The following ZFP62 variants were observed in gnomAD, a reference collection of about 807,000 sequenced individuals.
ZFP62 encodes ZFP62 zinc finger protein.
ZFP62 carries 44 observed loss-of-function variants against 56.4 expected under a neutral mutation model. That is an observed-to-expected ratio of 0.78 (90% confidence interval 0.61 to 1.00). The LOEUF (loss-of-function observed/expected upper bound fraction) is 1.00. ZFP62 is among the 50% of genes least tolerant of loss of function. The probability of loss-of-function intolerance (pLI) is 0.00; values close to 1 mark genes in which losing one functional copy is unlikely to be tolerated. For missense variants in ZFP62, 1,030 were observed against 1,085.7 expected (o/e 0.95, Z 0.72); for synonymous variants, 421 against 388.9 (o/e 1.08, Z -0.97).
Position 180,848,692 on chromosome 5 carries a change from A to G in ZFP62, c.*100T>C, listed in dbSNP as rs1008351962. The stretch of plus-strand genomic sequence containing the variant: ...CCTCATAATCCTCTAGGATGGTTTC[A>G]TTTACACTGTGTAAATTACAAGCCA... On this transcript the variant is annotated 3_prime_UTR_variant, in exon 2 of 2. Coordinates refer to ENST00000502412, the MANE Select transcript of ZFP62 (RefSeq NM_001172638.2). 6.9e-7 allele frequency: 1 copy of G among 1,440,000 alleles called. No individual in the cohort carries two copies. Among genetic ancestry groups the G allele is most frequent in the South Asian group, 1.6e-5 (1 of 64,316 alleles). 89.2% of individuals were successfully genotyped at this position (1,440,000 alleles called of 1,614,324 possible).
chr5:180,828,224 A>C, the ZFP62 span, among the ~76,000 whole-genome samples: 1 of 152,168 alleles, frequency 6.6e-6, no homozygotes, highest in Non-Finnish European at 1.5e-5. Flanking sequence ...GGGGCAACCC[A>C]CCCCTTCAAC....
At position 180,850,242 on chromosome 5, in the gene ZFP62, T is replaced by G. The variant is rs1442935423; in HGVS notation, c.1253A>C (p.Lys418Thr). ...LAVHKSIHPG[K>T]KAHECKECGK... The stretch of plus-strand genomic sequence containing the variant: ...ACACTCCTTACATTCATGGGCTTTC[T>G]TCCCAGGGTGAATGCTTTTATGGAC... Residue 418 changes from lysine to threonine, a missense_variant, in exon 2 of 2, where the codon AAG becomes ACG. By Grantham distance (78) the Lys-to-Thr change is moderately conservative. Coordinates refer to ENST00000502412, the MANE Select transcript of ZFP62 (RefSeq NM_001172638.2). 6.4e-7 allele frequency: 1 copy of G among 1,554,080 alleles called. No homozygotes were observed. Among genetic ancestry groups the G allele is most frequent in the Admixed American group, 2.0e-5 (1 of 51,144 alleles).
At chr5:180,831,516 A>C in the ZFP62 span, 13 of 149,410 alleles carry the variant, frequency 8.7e-5, no homozygotes, top group African/African-American at 2.7e-4. Context: ...GGTTGAAGGG[A>C]CTCTCCGGCC....
chr5:180,845,316 G>A (rs975951550), downstream of ZFP62, among the ~76,000 whole-genome samples: 6 of 110,966 alleles, frequency 5.4e-5, no homozygotes, highest in Admixed American at 1.2e-4. Flanking sequence ...GCGACAGAAC[G>A]AGACCGTCTT....
At chr5:180,835,994 T>C in the ZFP62 span, among the ~76,000 whole-genome samples, 1 of 152,348 alleles carries the variant, frequency 6.6e-6, no homozygotes, top group Middle Eastern at 3.4e-3. Flanking sequence ...TTACGGTACC[T>C]TTTCTATGGT....
Position 180,852,222 on chromosome 5 carries a change from C to T in ZFP62, c.2-729G>A, listed in dbSNP as rs191727264. ...CTGAAATTACCAGAGAAAAGATGGTCCTTTTAATAGTGTTGTAACAACTAT... is the reference window on the plus strand; with the variant it reads ...CTGAAATTACCAGAGAAAAGATGGTTCTTTTAATAGTGTTGTAACAACTAT... On this transcript the variant is annotated intron_variant, in intron 1 of 1. Transcript: ENST00000502412. 2.2e-3 allele frequency among the ~76,000 whole-genome samples: 329 copies of T among 152,108 alleles called. 1 individual carries two copies. Among genetic ancestry groups the T allele is most frequent in the Non-Finnish European group, 8.7e-4 (59 of 68,000 alleles).
chr5:180,857,842 G>T (rs1774070738), intron 1 of ZFP62, among the ~76,000 whole-genome samples: 1 of 151,382 alleles, frequency 6.6e-6, no homozygotes, highest in Non-Finnish European at 1.5e-5. Context: ...GCAGTGAAAT[G>T]GCATGGAATC....
intron 1 of ZFP62, among the ~76,000 whole-genome samples, chr5:180,855,228 C>T (rs777339888): frequency 1.1e-4 from 16 of 152,094 alleles, no homozygotes; most frequent in Non-Finnish European, 1.6e-4. Context: ...TTTTACTGTT[C>T]GTATTCTTGA....
At position 180,848,683 on chromosome 5, in the gene ZFP62, G is replaced by C. The variant is rs544019288; in HGVS notation, c.*109C>G. The C allele has an allele frequency of 7.0e-7, 1 of 1,419,456 alleles. No homozygotes were observed. The highest frequency in any genetic ancestry group is 1.4e-5 in the African/African-American group (1 of 69,510). The allele number at this position is 1,419,456 out of a possible 1,614,324, so 87.9% of individuals were successfully genotyped here. On this transcript the variant is annotated 3_prime_UTR_variant, in exon 2 of 2. Coordinates refer to ENST00000502412, the MANE Select transcript of ZFP62 (RefSeq NM_001172638.2). ...GAAAGGATTCCTCATAATCCTCTAG[G>C]ATGGTTTCATTTACACTGTGTAAAT...
At chr5:180,847,297 CAGT>C (rs1477320389), downstream of ZFP62, among the ~76,000 whole-genome samples, 14 of 152,222 alleles carry the variant, frequency 9.2e-5, no homozygotes, top group African/African-American at 2.9e-4. Context: ...TCATACACAG[CAGT>C]AGTTTATGTT....
At chr5:180,842,909 G>C (rs1288872285), downstream of ZFP62, among the ~76,000 whole-genome samples, 4 of 151,996 alleles carry the variant, frequency 2.6e-5, no homozygotes, top group Admixed American at 2.6e-4. Context: ...CGGGCATGGT[G>C]GTGTGTGCCT....
chr5:180,829,031 C>G, the ZFP62 span, among the ~76,000 whole-genome samples: 2 of 152,326 alleles, frequency 1.3e-5, no homozygotes, highest in East Asian at 3.9e-4. Context: ...AAACTCCATC[C>G]TGGTAAATTT....
At chr5:180,853,893 G>T (rs1773840763) in intron 1 of ZFP62, among the ~76,000 whole-genome samples, 1 of 152,184 alleles carries the variant, frequency 6.6e-6, no homozygotes, top group Non-Finnish European at 1.5e-5. Flanking sequence ...ATAAAAATAA[G>T]CAAGAGAAGA....
the ZFP62 span, among the ~76,000 whole-genome samples, chr5:180,839,377 C>T: frequency 6.6e-6 from 1 of 152,192 alleles, no homozygotes; most frequent in Non-Finnish European, 1.5e-5. Context: ...TCTTTCATAA[C>T]AGTCACCTAA....
chr5:180,843,634 T>C (rs1265614310), downstream of ZFP62, among the ~76,000 whole-genome samples: 1 of 152,218 alleles, frequency 6.6e-6, no homozygotes, highest in East Asian at 1.9e-4. Context: ...ATTTTATATT[T>C]GTGTGGCCTC....
At chr5:180,860,993 G>A (rs1561912871) in intron 1 of ZFP62, among the ~76,000 whole-genome samples, 1 of 152,168 alleles carries the variant, frequency 6.6e-6, no homozygotes, top group Non-Finnish European at 1.5e-5. Flanking sequence ...CCCACACAGA[G>A]CCCAGTCTGT....
chr5:180,827,430 G>A, the ZFP62 span, among the ~76,000 whole-genome samples: 1 of 152,226 alleles, frequency 6.6e-6, no homozygotes, highest in African/African-American at 2.4e-5. Context: ...CGTGTGCTGT[G>A]TCAACTCAGG....
At chr5:180,851,534 A>T in intron 1 of ZFP62, 41 bp from the exon 2 acceptor site, 1 of 1,423,556 alleles carries the variant, frequency 7.0e-7, no homozygotes, top group Non-Finnish European at 9.1e-7. Flanking sequence ...TCACTCTCTT[A>T]AAAAAAAACA....
chr5:180,845,326 TAAAAAAAAAAAAAAAAAAA>T (rs772922940), downstream of ZFP62, among the ~76,000 whole-genome samples: 17 of 32,828 alleles, frequency 5.2e-4, 1 homozygote, highest in East Asian at 9.5e-3. Flanking sequence ...GAGACCGTCT[TAAAAAAAAAAAAAAAAAAA>T]AAAAAAAAAA....
Sources: gnomAD v4.1 joint callset for allele counts (sites outside exome capture counted in the v4.1 genomes callset) on GRCh38, gnomAD v4.1.1 for gene constraint, MANE v1.5 for transcripts, NCBI Gene and HGNC (gene_info 2026-07-23, HGNC 2026-07-21) for gene names.